The following FSTL4 variants were observed in gnomAD, a reference collection of about 807,000 sequenced individuals.
FSTL4 encodes the protein follistatin-related protein 4.
Under a neutral mutation model 78.2 loss-of-function variants are expected in FSTL4, and 28 were observed. The observed-to-expected ratio is 0.36, with a 90% CI of 0.27 to 0.49. FSTL4 has a LOEUF of 0.49. FSTL4 is among the 20% of genes least tolerant of loss of function. The probability of loss-of-function intolerance (pLI) is 0.98; values close to 1 mark genes in which losing one functional copy is unlikely to be tolerated. For missense variants in FSTL4, 922 were observed against 1,084.9 expected, an observed-to-expected ratio of 0.85 and a Z score of 2.11; for synonymous variants, 422 against 440.5, an observed-to-expected ratio of 0.96 and a Z score of 0.53.
intron 4 of FSTL4, among the ~76,000 whole-genome samples, chr5:133,317,774 C>T (rs115673395): frequency 0.011 from 1,640 of 152,302 alleles, 28 homozygotes; most frequent in African/African-American, 0.036. Flanking sequence ...GGGGTTGTTA[C>T]GAGGATTAAG....
intron 3 of FSTL4, among the ~76,000 whole-genome samples, chr5:133,473,138 G>T (rs1371566673): frequency 6.6e-6 from 1 of 152,162 alleles, no homozygotes; most frequent in Non-Finnish European, 1.5e-5. Context: ...CTTCTCTAGA[G>T]AAGATAACCT....
chr5:133,250,711 G>C (rs1403149294), intron 6 of FSTL4, among the ~76,000 whole-genome samples: 1 of 152,244 alleles, frequency 6.6e-6, no homozygotes, highest in African/African-American at 2.4e-5. Flanking sequence ...GAGGGGAAGA[G>C]GGAGCGAAAA....
the FSTL4 span, among the ~76,000 whole-genome samples, chr5:133,623,419 T>A: frequency 6.6e-6 from 1 of 151,992 alleles, no homozygotes; most frequent in Non-Finnish European, 1.5e-5. Flanking sequence ...CCTATGACAA[T>A]TGGCCCTGGG....
In FSTL4 at chr5:133,225,369, CT is replaced by C; in HGVS notation, c.1178-86del. The stretch of plus-strand genomic sequence containing the variant: ...TATGGGGCCATTGAGAGTGTTAGGG[CT>C]GCCCAGCCCCTGGGCAGCCAGCAGC... On this transcript the variant is annotated intron_variant, in intron 9 of 15. Coordinates refer to ENST00000265342, the MANE Select transcript of FSTL4 (RefSeq NM_015082.2). The surrounding 1 kb of genome is among the most constrained non-coding windows in gnomAD (Gnocchi z 4.6). 6.5e-7 allele frequency: 1 copy of C among 1,535,192 alleles called. No homozygotes were observed. Among genetic ancestry groups the C allele is most frequent in the South Asian group, 1.1e-5 (1 of 87,922 alleles).
At chr5:133,242,761 C>G (rs1205692199) in intron 7 of FSTL4, among the ~76,000 whole-genome samples, 1 of 152,192 alleles carries the variant, frequency 6.6e-6, no homozygotes, top group Non-Finnish European at 1.5e-5. Flanking sequence ...TTGACACAAG[C>G]TACAGAGAAT....
chr5:133,569,146 T>C (rs796748230), intron 2 of FSTL4, among the ~76,000 whole-genome samples: 1 of 152,340 alleles, frequency 6.6e-6, no homozygotes, highest in African/African-American at 2.4e-5. Context: ...AATTTTACTG[T>C]TTGTAATAGT....
chr5:133,292,167 A>G (rs1270870354), intron 6 of FSTL4, among the ~76,000 whole-genome samples: 1 of 152,182 alleles, frequency 6.6e-6, no homozygotes, highest in Non-Finnish European at 1.5e-5. Context: ...TCAACTCGCC[A>G]GTTCTTTCTC....
At chr5:133,695,390 C>T in the FSTL4 span, among the ~76,000 whole-genome samples, 1 of 152,200 alleles carries the variant, frequency 6.6e-6, no homozygotes, top group Non-Finnish European at 1.5e-5. Flanking sequence ...GAGAACTCCA[C>T]ATGTCAAATG....
intron 3 of FSTL4, among the ~76,000 whole-genome samples, chr5:133,483,947 A>G (rs1284590350): frequency 6.6e-6 from 1 of 152,296 alleles, no homozygotes; most frequent in Admixed American, 6.5e-5. Context: ...CCAAGCGAGA[A>G]TGTCCACTCC....
At chr5:133,350,881 A>T (rs1009502150) in intron 4 of FSTL4, among the ~76,000 whole-genome samples, 1 of 152,076 alleles carries the variant, frequency 6.6e-6, no homozygotes, top group Admixed American at 6.6e-5. Flanking sequence ...TTCACATAAC[A>T]CTTCTGCTCC....
chr5:133,348,981 C>T (rs1490455332), intron 4 of FSTL4, among the ~76,000 whole-genome samples: 1 of 152,224 alleles, frequency 6.6e-6, no homozygotes, highest in Non-Finnish European at 1.5e-5. Flanking sequence ...TAAGTCATCA[C>T]CATCTTTTCA....
intron 3 of FSTL4, among the ~76,000 whole-genome samples, chr5:133,412,606 C>T (rs940342890): frequency 6.6e-6 from 1 of 152,138 alleles, no homozygotes; most frequent in Admixed American, 6.5e-5. Context: ...CATTATCGTA[C>T]AACAAACGGA....
At chr5:133,531,427 G>A (rs1022027365) in intron 3 of FSTL4, among the ~76,000 whole-genome samples, 3 of 152,084 alleles carry the variant, frequency 2.0e-5, no homozygotes, top group African/African-American at 7.2e-5. Context: ...GGCCTTAAGC[G>A]TCCTACTTCT....
At chr5:133,301,175 T>A (rs760977115) in intron 6 of FSTL4, among the ~76,000 whole-genome samples, 9 of 151,854 alleles carry the variant, frequency 5.9e-5, no homozygotes, top group Non-Finnish European at 1.3e-4. Context: ...GAGTCACACA[T>A]CATGGGGGAA....
At chr5:133,243,511 TG>T (rs1226300008) in intron 7 of FSTL4, among the ~76,000 whole-genome samples, 2 of 152,190 alleles carry the variant, frequency 1.3e-5, no homozygotes, top group Non-Finnish European at 2.9e-5. Flanking sequence ...CACTGGGGCC[TG>T]GGAACTACAG....
At chr5:133,756,066 T>C in the FSTL4 span, among the ~76,000 whole-genome samples, 1 of 152,128 alleles carries the variant, frequency 6.6e-6, no homozygotes, top group African/African-American at 2.4e-5. Flanking sequence ...CAGTAAGCAA[T>C]ACAGTGCAGA....
intron 11 of FSTL4, 142 bp downstream of exon 11, chr5:133,224,048 C>A: frequency 6.7e-6 from 4 of 598,668 alleles, no homozygotes; most frequent in Non-Finnish European, 9.1e-6. Flanking sequence ...AATGCATATG[C>A]CACTTGAATT....
chr5:133,286,863 C>A (rs551967026), intron 6 of FSTL4, among the ~76,000 whole-genome samples: 12 of 152,340 alleles, frequency 7.9e-5, no homozygotes, highest in Non-Finnish European at 1.3e-4. Context: ...CTCAATGCTG[C>A]CCTCAGACCA....
intron 4 of FSTL4, among the ~76,000 whole-genome samples, chr5:133,340,061 C>T (rs6880320): frequency 6.6e-6 from 1 of 152,044 alleles, no homozygotes; most frequent in Non-Finnish European, 1.5e-5. Flanking sequence ...TGTTTCCCCC[C>T]ACACTCGTGT....
Sources: gnomAD v4.1 joint callset for allele counts (sites outside exome capture counted in the v4.1 genomes callset) on GRCh38, gnomAD v4.1.1 for gene constraint, Gnocchi (gnomAD v3.1) non-coding constraint, MANE v1.5 for transcripts, NCBI Gene and HGNC (gene_info 2026-07-23, HGNC 2026-07-21) for gene names.